Variants in CACNA2D3 observed in about 807,000 individuals in gnomAD.
The protein encoded by CACNA2D3 is voltage-dependent calcium channel subunit alpha-2/delta-3.
Under a neutral mutation model 160.6 loss-of-function variants are expected in CACNA2D3, and 60 were observed. That is an observed-to-expected ratio of 0.37 (90% CI 0.30 to 0.46). The LOEUF (loss-of-function observed/expected upper bound fraction) is 0.46. CACNA2D3 is among the 20% of genes least tolerant of loss of function. CACNA2D3 has a pLI of 1.00. For missense variants in CACNA2D3, 1,205 were observed against 1,365.0 expected, an observed-to-expected ratio of 0.88 and a Z score of 1.85; for synonymous variants, 558 against 492.9, an observed-to-expected ratio of 1.13 and a Z score of -1.75.
intron 27 of CACNA2D3, among the ~76,000 whole-genome samples, chr3:54,940,212 A>G (rs1448511031): frequency 6.6e-6 from 1 of 152,216 alleles, no homozygotes; most frequent in Non-Finnish European, 1.5e-5. Flanking sequence ...ACATGTGCAC[A>G]GTTTTAAAAG....
chr3:54,675,167 G>C (rs1391986443), intron 11 of CACNA2D3, among the ~76,000 whole-genome samples: 4 of 152,328 alleles, frequency 2.6e-5, no homozygotes, highest in Non-Finnish European at 5.9e-5. Context: ...GAATTTACAG[G>C]CTGCATGGTA....
At chr3:54,955,936 A>G (rs1185903293) in intron 27 of CACNA2D3, among the ~76,000 whole-genome samples, 1 of 152,168 alleles carries the variant, frequency 6.6e-6, no homozygotes, top group African/African-American at 2.4e-5. Flanking sequence ...GATGAAGAGA[A>G]AAAATTGGTA....
intron 35 of CACNA2D3, among the ~76,000 whole-genome samples, chr3:55,039,918 T>G (rs1703921130): frequency 6.6e-6 from 1 of 152,208 alleles, no homozygotes; most frequent in African/African-American, 2.4e-5. Context: ...TTTAATTAAC[T>G]TCTTGGATTC....
At chr3:54,940,364 T>C (rs528239307) in intron 27 of CACNA2D3, among the ~76,000 whole-genome samples, 1 of 152,366 alleles carries the variant, frequency 6.6e-6, no homozygotes, top group South Asian at 2.1e-4. Flanking sequence ...TATACTTTGA[T>C]GTATTAAAAT....
rs1164575153 is a variant in CACNA2D3 at position 54,569,815 on chromosome 3, G to A, written c.697G>A (p.Glu233Lys). The change falls in exon 7 of 38, where the codon GAG becomes AAG. Residue 233 changes from glutamate to lysine, a missense_variant. Around this residue, in one of 3 missense-constraint regions of CACNA2D3, gnomAD observed 131 missense variants for 201.5 expected, o/e 0.65. Transcript: ENST00000474759. ...QYPGIKWEPD[E>K]NGVIAFDCRN... is the part of the protein sequence containing the mutation. Reference sequence around the variant, plus strand: ...TCTAGGGATTAAATGGGAACCAGATGAGAATGGAGTCATTGCCTTCGACTG... The same window carrying A: ...TCTAGGGATTAAATGGGAACCAGATAAGAATGGAGTCATTGCCTTCGACTG... 2 of 1,604,364 alleles carry A rather than the reference G, an allele frequency of 1.2e-6. No homozygotes were observed. Among genetic ancestry groups the A allele is most frequent in the Non-Finnish European group, 1.7e-6 (2 of 1,175,034 alleles).
chr3:54,487,622 T>C, intron 4 of CACNA2D3, among the ~76,000 whole-genome samples: 1 of 152,146 alleles, frequency 6.6e-6, no homozygotes, highest in East Asian at 1.9e-4. Flanking sequence ...ATATTTCTCT[T>C]CTTAGGGAGC....
intron 35 of CACNA2D3, among the ~76,000 whole-genome samples, chr3:55,061,107 C>G (rs1264042251): frequency 6.6e-6 from 1 of 152,206 alleles, no homozygotes; most frequent in Non-Finnish European, 1.5e-5. Flanking sequence ...AGAATAAATA[C>G]CACCATGGGA....
At chr3:54,746,149 T>C (rs1452841546) in intron 11 of CACNA2D3, among the ~76,000 whole-genome samples, 1 of 152,216 alleles carries the variant, frequency 6.6e-6, no homozygotes, top group Admixed American at 6.5e-5. Context: ...ATCTCTACTC[T>C]TGTAGAATTT....
At chr3:55,016,159 T>C (rs2107154509) in intron 34 of CACNA2D3, among the ~76,000 whole-genome samples, 1 of 152,294 alleles carries the variant, frequency 6.6e-6, no homozygotes, top group Non-Finnish European at 1.5e-5. Context: ...GGAGAATGAC[T>C]ACCAGCACTG....
At chr3:54,585,181 A>G (rs749491947) in intron 9 of CACNA2D3, among the ~76,000 whole-genome samples, 2 of 152,206 alleles carry the variant, frequency 1.3e-5, no homozygotes, top group Non-Finnish European at 2.9e-5. Flanking sequence ...GCCTAACACC[A>G]TCTGATGTGA....
intron 9 of CACNA2D3, among the ~76,000 whole-genome samples, chr3:54,619,480 C>G (rs1698933968): frequency 6.6e-6 from 1 of 152,234 alleles, no homozygotes; most frequent in Non-Finnish European, 1.5e-5. Context: ...TCATTGTTCA[C>G]ATCCAGGAGA....
intron 11 of CACNA2D3, among the ~76,000 whole-genome samples, chr3:54,720,519 G>A (rs566942483): frequency 6.6e-6 from 1 of 151,942 alleles, no homozygotes; most frequent in East Asian, 1.9e-4. Flanking sequence ...ATGATCATAC[G>A]ATGTGTTTTG....
chr3:54,636,182 A>G (rs1053501378), intron 10 of CACNA2D3, among the ~76,000 whole-genome samples: 1 of 151,960 alleles, frequency 6.6e-6, no homozygotes, highest in Non-Finnish European at 1.5e-5. Flanking sequence ...GGCTAGTACT[A>G]TAGCATAGCC....
chr3:54,807,338 G>A (rs1703158363), intron 13 of CACNA2D3, among the ~76,000 whole-genome samples: 1 of 152,096 alleles, frequency 6.6e-6, no homozygotes, highest in Admixed American at 6.6e-5. Flanking sequence ...AATCTACAAT[G>A]AACTCAAACA....
intron 31 of CACNA2D3, among the ~76,000 whole-genome samples, chr3:54,992,772 A>T (rs1394613510): frequency 8.9e-6 from 1 of 112,416 alleles, no homozygotes. Flanking sequence ...GAAATACCTG[A>T]ACAACAAGAA....
chr3:54,568,563 A>G (rs1229048469), intron 6 of CACNA2D3, among the ~76,000 whole-genome samples: 3 of 152,218 alleles, frequency 2.0e-5, no homozygotes, highest in African/African-American at 4.8e-5. Flanking sequence ...TGCCATCCTA[A>G]TGGTACCTGG....
At chr3:55,014,382 T>C (rs1575436079) in intron 34 of CACNA2D3, among the ~76,000 whole-genome samples, 1 of 152,234 alleles carries the variant, frequency 6.6e-6, no homozygotes. Context: ...TCAGTGATCC[T>C]TGAATACCTA....
At chr3:54,414,314 C>A (rs975279878) in intron 4 of CACNA2D3, among the ~76,000 whole-genome samples, 6 of 151,934 alleles carry the variant, frequency 3.9e-5, no homozygotes, top group African/African-American at 1.4e-4. Flanking sequence ...TTCTGAAAAC[C>A]TTATAACTTT....
At chr3:54,263,010 G>T (rs924872829) in intron 2 of CACNA2D3, among the ~76,000 whole-genome samples, 10 of 152,150 alleles carry the variant, frequency 6.6e-5, no homozygotes, top group Non-Finnish European at 1.2e-4. Context: ...CACTATGATG[G>T]ATTTATACTA....
Sources: gnomAD v4.1 joint callset for allele counts (sites outside exome capture counted in the v4.1 genomes callset) on GRCh38, gnomAD v4.1.1 for gene constraint, gnomAD v4.1.1 regional missense constraint, MANE v1.5 for transcripts, NCBI Gene and HGNC (gene_info 2026-07-23, HGNC 2026-07-21) for gene names.